ZCWPW2: variants seen among roughly 807,000 people sequenced by gnomAD.
The protein encoded by ZCWPW2 is zinc finger CW-type and PWWP domain containing 2.
Under a neutral mutation model 46.6 loss-of-function variants are expected in ZCWPW2, and 45 were observed. That is an observed-to-expected ratio of 0.96 (90% CI 0.76 to 1.24). ZCWPW2 has a LOEUF of 1.24. Ranked by LOEUF, ZCWPW2 falls within the 50% of genes most tolerant of loss-of-function variation. The pLI is 0.00. For missense variants in ZCWPW2, 429 were observed against 403.9 expected, an observed-to-expected ratio of 1.06 and a Z score of -0.53; for synonymous variants, 152 against 137.1, an observed-to-expected ratio of 1.11 and a Z score of -0.76.
At chr3:28,431,509 G>T (rs1697257962) in intron 3 of ZCWPW2, among the ~76,000 whole-genome samples, 2 of 151,870 alleles carry the variant, frequency 1.3e-5, no homozygotes, top group Non-Finnish European at 2.9e-5. Flanking sequence ...CTTATAAGGA[G>T]ACCAGTCATA....
intron 4 of ZCWPW2, among the ~76,000 whole-genome samples, chr3:28,448,779 T>A (rs1698101690): frequency 1.7e-5 from 1 of 57,926 alleles, no homozygotes; most frequent in African/African-American, 6.2e-5. Flanking sequence ...AGTGAGACTC[T>A]GTCTCAAAAA....
chr3:28,385,174 G>A (rs971395352), intron 1 of ZCWPW2, among the ~76,000 whole-genome samples: 1 of 152,070 alleles, frequency 6.6e-6, no homozygotes, highest in Admixed American at 6.6e-5. Flanking sequence ...AAGTAGTCAA[G>A]ACCTGCACAT....
At position 28,433,697 on chromosome 3, in the gene ZCWPW2, G is replaced by A. The variant is rs1559502454; in HGVS notation, c.333-1413G>A. On this transcript the variant is annotated intron_variant, in intron 3 of 9. Coordinates refer to ENST00000383768, the MANE Select transcript of ZCWPW2 (RefSeq NM_001040432.4). ...CTTGAACCCAGGAGACGGAGGCTGC[G>A]GTGAGCCGAGATCACACCATTGGAC... Among the ~76,000 whole-genome samples the A allele has an allele frequency of 7.3e-5, 11 of 151,042 alleles. 1 individual carries two copies. In the South Asian group the frequency reaches 1.9e-3, roughly 26 times the overall value.
chr3:28,460,002 A>G (rs1015915325), intron 4 of ZCWPW2, among the ~76,000 whole-genome samples: 3 of 152,186 alleles, frequency 2.0e-5, no homozygotes, highest in Non-Finnish European at 2.9e-5. Flanking sequence ...GAGCCATTTT[A>G]TCATAAACTG....
In ZCWPW2 at chr3:28,414,456, T is replaced by A. The variant is rs182559152; in HGVS notation, c.332+1056T>A. On this transcript the variant is annotated intron_variant, in intron 3 of 9. Transcript: ENST00000383768. The stretch of plus-strand genomic sequence containing the variant: ...ATTATTTCATCAACCAGGTTTTTTT[T>A]TAATTTTATTATTATTGTACTTTAA... Among the ~76,000 whole-genome samples, 213 of 152,196 alleles carry A rather than the reference T, an allele frequency of 1.4e-3. 5 individuals carry two copies. In the South Asian group the frequency reaches 0.028, roughly 20 times the overall value.
At chr3:28,380,943 TATA>T (rs1410621050) in intron 1 of ZCWPW2, among the ~76,000 whole-genome samples, 9 of 20,166 alleles carry the variant, frequency 4.5e-4, no homozygotes, top group Non-Finnish European at 5.7e-4. Flanking sequence ...GGTATATATA[TATA>T]TATATATATA....
chr3:28,417,859 T>C (rs868321746), intron 3 of ZCWPW2, among the ~76,000 whole-genome samples: 123 of 11,484 alleles, frequency 0.011, 8 homozygotes, highest in African/African-American at 0.041. Context: ...ATTGATGGGA[T>C]GTATCTCAAA....
chr3:28,397,940 A>C (rs948697703), intron 2 of ZCWPW2: 1 of 152,186 alleles, frequency 6.6e-6, no homozygotes, highest in Non-Finnish European at 1.5e-5. Context: ...TGAAGTTCTC[A>C]TTATGTTTTG....
At chr3:28,515,498 A>G (rs1700536351) in intron 7 of ZCWPW2, 56 bp from the exon 8 acceptor site, 1 of 1,308,156 alleles carries the variant, frequency 7.6e-7, no homozygotes, top group Non-Finnish European at 1.1e-6. Context: ...ACAAATGGTC[A>G]TTTAAATATT....
intron 6 of ZCWPW2, among the ~76,000 whole-genome samples, chr3:28,499,486 G>C (rs140404144): frequency 0.011 from 1,692 of 152,104 alleles, 35 homozygotes; most frequent in East Asian, 0.071. Context: ...ACCACTTTTT[G>C]ATGTGGTTGT....
chr3:28,416,910 C>T (rs1474184678), intron 3 of ZCWPW2, among the ~76,000 whole-genome samples: 223 of 139,684 alleles, frequency 1.6e-3, no homozygotes, highest in African/African-American at 5.4e-3. Context: ...CTGCTGGATT[C>T]GGTTTGCCAG....
chr3:28,498,680 A>G (rs567772823), intron 6 of ZCWPW2, among the ~76,000 whole-genome samples: 120 of 151,276 alleles, frequency 7.9e-4, no homozygotes, highest in Non-Finnish European at 1.1e-3. Context: ...TTTAAGTTCT[A>G]TGATACATGT....
At chr3:28,371,736 T>C (rs1230981294) in intron 1 of ZCWPW2, among the ~76,000 whole-genome samples, 1 of 152,052 alleles carries the variant, frequency 6.6e-6, no homozygotes, top group Non-Finnish European at 1.5e-5. Flanking sequence ...GTAAACTAAC[T>C]TAACAGGATT....
chr3:28,373,608 T>C (rs1021742291), intron 1 of ZCWPW2, among the ~76,000 whole-genome samples: 2 of 152,110 alleles, frequency 1.3e-5, no homozygotes, highest in Admixed American at 6.5e-5. Flanking sequence ...CCCAAATAGC[T>C]GGGATTACAG....
chr3:28,475,530 G>A (rs754606212), intron 4 of ZCWPW2, among the ~76,000 whole-genome samples: 10 of 152,132 alleles, frequency 6.6e-5, no homozygotes, highest in Non-Finnish European at 1.5e-4. Context: ...ACTCTGCCAT[G>A]GTGCCATTTT....
At chr3:28,382,694 T>C (rs867071484) in intron 1 of ZCWPW2, among the ~76,000 whole-genome samples, 32 of 152,148 alleles carry the variant, frequency 2.1e-4, no homozygotes, top group Admixed American at 1.5e-3. Context: ...AAAAGGTACA[T>C]ATAATATTTA....
intron 1 of ZCWPW2, among the ~76,000 whole-genome samples, chr3:28,369,628 T>TGTCC (rs1705241344): frequency 1.3e-5 from 2 of 152,226 alleles, no homozygotes; most frequent in African/African-American, 4.8e-5. Flanking sequence ...GGAGGCAGTC[T>TGTCC]GTCCGTTCTC....
intron 5 of ZCWPW2, among the ~76,000 whole-genome samples, chr3:28,485,910 A>G (rs1387734469): frequency 6.6e-6 from 1 of 151,866 alleles, no homozygotes; most frequent in African/African-American, 2.4e-5. Flanking sequence ...TAGATTTTAT[A>G]TAATTCCATT....
rs11328735 is a variant in ZCWPW2 at position 28,409,122 on chromosome 3, CTTTTTTTT to C, written c.-13-3919_-13-3912del. Among the ~76,000 whole-genome samples the C allele has an allele frequency of 8.3e-3, 686 of 82,368 alleles. 4 individuals carry two copies. Among genetic ancestry groups the C allele is most frequent in the Middle Eastern group, 0.015 (2 of 130 alleles). 54.0% of individuals were successfully genotyped at this position (82,368 alleles called of 152,430 possible). Reference sequence around the variant, plus strand: ...CCAGATGGCTTAATTTTTTCTTTTTCTTTTTTTTTTTTTTTTTTTTTTGAGTCTCACTT... The same window carrying C: ...CCAGATGGCTTAATTTTTTCTTTTTCTTTTTTTTTTTTTTGAGTCTCACTT... On this transcript the variant is annotated intron_variant, in intron 2 of 9. Transcript: ENST00000383768.
Sources: allele counts gnomAD v4.1 joint callset (sites outside exome capture counted in the v4.1 genomes callset), GRCh38; gene constraint gnomAD v4.1.1; transcripts MANE v1.5; gene names NCBI Gene and HGNC (gene_info 2026-07-23, HGNC 2026-07-21).